DPY19L3: variants seen among roughly 807,000 people sequenced by gnomAD.
The protein encoded by DPY19L3 is protein C-mannosyl-transferase DPY19L3.
DPY19L3 carries 51 observed loss-of-function variants against 92.3 expected under a neutral mutation model. That is an observed-to-expected ratio of 0.55 (90% CI 0.44 to 0.70). The LOEUF (loss-of-function observed/expected upper bound fraction) is 0.70. Among genes scored for constraint, DPY19L3 ranks in the 30% least tolerant of loss-of-function variants. The pLI, the probability that DPY19L3 is intolerant of heterozygous loss-of-function variation, is 0.00. For synonymous variants in DPY19L3, 309 were observed against 315.2 expected, an observed-to-expected ratio of 0.98 and a Z score of 0.21; for missense variants, 706 against 855.9, an observed-to-expected ratio of 0.82 and a Z score of 2.18.
chr19:32,409,992 G>T (rs1968121989), intron 2 of DPY19L3, among the ~76,000 whole-genome samples: 1 of 152,158 alleles, frequency 6.6e-6, no homozygotes, highest in Non-Finnish European at 1.5e-5. Context: ...GCTCATTTTG[G>T]TGGCTTTTAC....
chr19:32,456,912 G>A (rs1969884173), intron 10 of DPY19L3, among the ~76,000 whole-genome samples: 1 of 152,132 alleles, frequency 6.6e-6, no homozygotes, highest in Non-Finnish European at 1.5e-5. Context: ...TGTAATCGCA[G>A]CATTTTGGGA....
At position 32,411,072 on chromosome 19, in the gene DPY19L3, G is replaced by A. The variant is rs547444107; in HGVS notation, c.104-167G>A. Among the ~76,000 whole-genome samples, 28 of 152,340 alleles carry A rather than the reference G, an allele frequency of 1.8e-4. No individual in the cohort carries two copies. The East Asian group carries it at 3.9e-3, about 21-fold the overall frequency. ...TAGATACGGGGTAACAGTTGTAATA[G>A]AATGAAAACAGGTCTGTGGAATCAG... On this transcript the variant is annotated intron_variant, in intron 2 of 18. Coordinates refer to ENST00000392250, the MANE Select transcript of DPY19L3 (RefSeq NM_001172774.2).
chr19:32,449,885 A>G (rs1186444797), intron 8 of DPY19L3, among the ~76,000 whole-genome samples: 1 of 152,206 alleles, frequency 6.6e-6, no homozygotes, highest in East Asian at 1.9e-4. Flanking sequence ...CAAAAGCACA[A>G]GTGACTTTTA....
rs566090436 is a variant in DPY19L3, at chr19:32,484,826, A to G, written c.*2586A>G. 1 of 152,372 alleles carries G rather than the reference A, an allele frequency of 6.6e-6. No individual in the cohort carries two copies. Among genetic ancestry groups the G allele is most frequent in the African/African-American group, 2.4e-5 (1 of 41,594 alleles). 9.4% of individuals were successfully genotyped at this position (152,372 alleles called of 1,614,324 possible). On this transcript the variant is annotated 3_prime_UTR_variant, in exon 19 of 19. Transcript: ENST00000392250. ...TGTGAAAAGAAAGAATTTTCTGTAA[A>G]AATTAAGTTGAATACTTTGGTAAAA...
rs992020677 is a variant in DPY19L3, at chr19:32,479,715, G to A, written c.1831-684G>A. ...TTTCCATTCCAGCCCCAGAATCTGG[G>A]ACGCTCAGTTTGCATCCATCCACTG... On this transcript the variant is annotated intron_variant, in intron 17 of 18. Coordinates refer to ENST00000392250, the MANE Select transcript of DPY19L3 (RefSeq NM_001172774.2). 1.7e-5 allele frequency: 6 copies of A among 354,614 alleles called. No homozygotes were observed. In the Middle Eastern group the frequency reaches 1.5e-3, roughly 91 times the overall value. 22.0% of individuals were successfully genotyped at this position (354,614 alleles called of 1,614,324 possible).
chr19:32,438,415 G>A (rs1469857166), intron 6 of DPY19L3, among the ~76,000 whole-genome samples: 1 of 152,024 alleles, frequency 6.6e-6, no homozygotes, highest in Non-Finnish European at 1.5e-5. Context: ...TATAGATACA[G>A]ATATTACAGA....
chr19:32,425,248 T>G (rs1207790790), intron 3 of DPY19L3, among the ~76,000 whole-genome samples: 1 of 152,184 alleles, frequency 6.6e-6, no homozygotes, highest in Non-Finnish European at 1.5e-5. Context: ...TAGACATTTT[T>G]GTACTCCAAA....
intron 8 of DPY19L3, among the ~76,000 whole-genome samples, chr19:32,447,937 T>C (rs1969570299): frequency 1.3e-5 from 2 of 152,148 alleles, no homozygotes; most frequent in South Asian, 4.1e-4. Flanking sequence ...TTTTCAATCT[T>C]AACAGACTTT....
At position 32,476,800 on chromosome 19, in the gene DPY19L3, G is replaced by A. The variant is rs78785678; in HGVS notation, c.1698-722G>A. 9.8e-3 allele frequency among the ~76,000 whole-genome samples: 1,486 copies of A among 152,162 alleles called. 12 individuals are homozygous for A. The highest frequency in any genetic ancestry group is 0.02 in the Middle Eastern group (6 of 294). Reference sequence around the variant, plus strand: ...CCAAAGGTATATGTAAAATAATTGCGTTTTCACATCAGAAGTATTTGTGTA... The same window carrying A: ...CCAAAGGTATATGTAAAATAATTGCATTTTCACATCAGAAGTATTTGTGTA... On this transcript the variant is annotated intron_variant, in intron 16 of 18. Coordinates refer to ENST00000392250, the MANE Select transcript of DPY19L3 (RefSeq NM_001172774.2).
chr19:32,425,750 G>A (rs1399386450), intron 3 of DPY19L3, among the ~76,000 whole-genome samples: 2 of 151,968 alleles, frequency 1.3e-5, no homozygotes, highest in East Asian at 3.9e-4. Flanking sequence ...AGTAAATCGT[G>A]CTGTCAACAC....
intron 3 of DPY19L3, among the ~76,000 whole-genome samples, chr19:32,423,262 CAG>C (rs1248594173): frequency 3.3e-5 from 5 of 152,028 alleles, no homozygotes; most frequent in South Asian, 2.1e-4. Flanking sequence ...ATTTATGAAA[CAG>C]AGCTCGCTCT....
chr19:32,457,185 A>G (rs1171093913), intron 10 of DPY19L3, among the ~76,000 whole-genome samples: 1 of 152,174 alleles, frequency 6.6e-6, no homozygotes, highest in Non-Finnish European at 1.5e-5. Flanking sequence ...GTTGAATTGC[A>G]TTTGATGTTT....
intron 7 of DPY19L3, among the ~76,000 whole-genome samples, 197 bp from the exon 8 acceptor site, chr19:32,439,579 C>A (rs1441973684): frequency 6.6e-6 from 1 of 152,070 alleles, no homozygotes; most frequent in Non-Finnish European, 1.5e-5. Context: ...ATACACACAC[C>A]GTATGTGAAT....
In DPY19L3 at chr19:32,465,492, A is replaced by G. The variant is rs1006896829; in HGVS notation, c.1614+708A>G. On this transcript the variant is annotated intron_variant, in intron 15 of 18. Coordinates refer to ENST00000392250, the MANE Select transcript of DPY19L3 (RefSeq NM_001172774.2). ...GCCCTCTCTTTTTAAAGAACCTAAC[A>G]TATTAAGTTTATATTTTTTTTCCTT... 3.3e-5 allele frequency among the ~76,000 whole-genome samples: 5 copies of G among 152,086 alleles called. No individual in the cohort carries two copies. In the East Asian group the frequency reaches 5.8e-4, roughly 18 times the overall value.
At chr19:32,415,475 G>T (rs974908572) in intron 3 of DPY19L3, among the ~76,000 whole-genome samples, 1 of 152,164 alleles carries the variant, frequency 6.6e-6, no homozygotes, top group East Asian at 1.9e-4. Context: ...GATGTACTGG[G>T]AATGGTAAAC....
chr19:32,455,147 A>C, intron 10 of DPY19L3, 107 bp downstream of exon 10: 1 of 761,640 alleles, frequency 1.3e-6, no homozygotes. Context: ...ATTGTTTTAG[A>C]GACAGGGTCT....
chr19:32,412,258 A>G (rs368920237), intron 3 of DPY19L3: 110 of 152,270 alleles, frequency 7.2e-4, no homozygotes, highest in African/African-American at 2.5e-3. Context: ...TTCAAGTTAT[A>G]GATTGTGAAA....
intron 15 of DPY19L3, chr19:32,468,513 A>G (rs1970262049): frequency 8.2e-7 from 1 of 1,217,430 alleles, no homozygotes; most frequent in Admixed American, 4.1e-5. Flanking sequence ...CTCACATCCT[A>G]ATTAGTTTCA....
chr19:32,465,430 G>A (rs987116469), intron 15 of DPY19L3, among the ~76,000 whole-genome samples: 2 of 152,182 alleles, frequency 1.3e-5, no homozygotes, highest in Non-Finnish European at 2.9e-5. Flanking sequence ...CATCACTAGG[G>A]CAGATAGCAC....
Sources: allele counts gnomAD v4.1 joint callset (sites outside exome capture counted in the v4.1 genomes callset), GRCh38; gene constraint gnomAD v4.1.1; transcripts MANE v1.5; gene names NCBI Gene and HGNC (gene_info 2026-07-23, HGNC 2026-07-21).